RELN: variants seen among roughly 807,000 people sequenced by gnomAD.
RELN encodes the protein reelin.
Under a neutral mutation model 427.6 loss-of-function variants are expected in RELN, and 108 were observed. The observed-to-expected ratio is 0.25, with a 90% CI of 0.22 to 0.30. The LOEUF (loss-of-function observed/expected upper bound fraction) is 0.30. RELN is among the 10% of genes least tolerant of loss of function. The pLI is 1.00. For synonymous variants in RELN, 1,524 were observed against 1,513.4 expected (o/e 1.01, Z -0.16); for missense variants, 3,715 against 4,302.8 (o/e 0.86, Z 3.82).
chr7:103,746,202 C>G (rs200245443), intron 6 of RELN, among the ~76,000 whole-genome samples: 32,434 of 151,790 alleles, frequency 0.21, 4,475 homozygotes, highest in African/African-American at 0.4. Flanking sequence ...GCTGGGAAAA[C>G]TGGCTAGCCA....
chr7:103,689,550 C>T (rs1481029176), intron 10 of RELN, among the ~76,000 whole-genome samples: 5 of 152,044 alleles, frequency 3.3e-5, no homozygotes, highest in East Asian at 3.9e-4. Context: ...ATGATTCACG[C>T]TTTCAAAATA....
chr7:103,835,608 T>C (rs2116414837), intron 2 of RELN, among the ~76,000 whole-genome samples: 1 of 152,346 alleles, frequency 6.6e-6, no homozygotes, highest in East Asian at 1.9e-4. Context: ...CTAAAGCTTC[T>C]CTAAAAAATA....
chr7:103,771,271 A>G (rs1359562023), intron 4 of RELN, among the ~76,000 whole-genome samples: 4 of 151,594 alleles, frequency 2.6e-5, no homozygotes, highest in Non-Finnish European at 5.9e-5. Flanking sequence ...TCTATCCACC[A>G]TCCTCTCTGT....
chr7:103,550,366 T>G (rs909411465), intron 41 of RELN, among the ~76,000 whole-genome samples: 2 of 152,188 alleles, frequency 1.3e-5, no homozygotes, highest in Non-Finnish European at 2.9e-5. Flanking sequence ...TTTGACATAC[T>G]CTGAAAGAAA....
chr7:103,918,121 G>T (rs146174538), intron 1 of RELN, among the ~76,000 whole-genome samples: 3,538 of 152,076 alleles, frequency 0.023, 69 homozygotes, highest in Non-Finnish European at 0.032. Flanking sequence ...CAGAAAATCC[G>T]GTGAACAGAG....
intron 6 of RELN, among the ~76,000 whole-genome samples, chr7:103,748,327 A>G (rs1430104661): frequency 6.6e-6 from 1 of 152,088 alleles, no homozygotes; most frequent in Admixed American, 6.5e-5. Flanking sequence ...ATCTAGATGT[A>G]TATTTCTTTC....
chr7:103,912,349 T>C (rs2116657630), intron 2 of RELN, among the ~76,000 whole-genome samples: 1 of 152,182 alleles, frequency 6.6e-6, no homozygotes, highest in African/African-American at 2.4e-5. Flanking sequence ...CATGCCTGGC[T>C]AATTTTTTGT....
intron 6 of RELN, among the ~76,000 whole-genome samples, 168 bp downstream of exon 6, chr7:103,749,258 A>G (rs1464746317): frequency 6.6e-6 from 1 of 152,198 alleles, no homozygotes; most frequent in Non-Finnish European, 1.5e-5. Context: ...GTCAAGTAAT[A>G]GACATTATAT....
At chr7:103,741,866 G>A (rs531157858) in intron 6 of RELN, among the ~76,000 whole-genome samples, 7 of 152,312 alleles carry the variant, frequency 4.6e-5, no homozygotes, top group Non-Finnish European at 1.0e-4. Context: ...CAGCGTGAGC[G>A]ACGCAGAAGA....
At chr7:103,961,438 A>G (rs1028601679) in intron 1 of RELN, among the ~76,000 whole-genome samples, 1 of 149,372 alleles carries the variant, frequency 6.7e-6, no homozygotes, top group Admixed American at 6.6e-5. Context: ...AGCAACTAAT[A>G]AACAAGAAAA....
intron 3 of RELN, among the ~76,000 whole-genome samples, chr7:103,793,011 C>A (rs1253451583): frequency 1.3e-5 from 2 of 152,042 alleles, no homozygotes; most frequent in Admixed American, 1.3e-4. Flanking sequence ...ATACTGTGGT[C>A]CTTCAATGCT....
intron 53 of RELN, 63 bp downstream of exon 53, chr7:103,500,682 A>C: frequency 6.5e-7 from 1 of 1,530,866 alleles, no homozygotes; most frequent in Non-Finnish European, 9.0e-7. Context: ...CTCATACATA[A>C]GTTGGTTCCT....
chr7:103,575,760 T>C (rs1830984795), intron 28 of RELN, 55 bp from the exon 29 acceptor site: 3 of 1,598,284 alleles, frequency 1.9e-6, no homozygotes, highest in Non-Finnish European at 1.7e-6. Flanking sequence ...TATCAAAGCA[T>C]TGGAATATAG....
At chr7:103,974,602 C>A (rs986263844) in intron 1 of RELN, among the ~76,000 whole-genome samples, 2 of 152,196 alleles carry the variant, frequency 1.3e-5, no homozygotes, top group Non-Finnish European at 2.9e-5. Flanking sequence ...GATATCAATA[C>A]ATGTAATTTA....
chr7:103,834,651 A>ACCT lies in RELN; in HGVS notation c.338-982_338-980dup, dbSNP rs201749099. Among the ~76,000 whole-genome samples the ACCT allele has an allele frequency of 1.1e-4, 16 of 152,298 alleles. 1 individual carries two copies. The East Asian group carries it at 3.1e-3, about 29-fold the overall frequency. On this transcript the variant is annotated intron_variant, in intron 2 of 64. Coordinates refer to ENST00000428762, the MANE Select transcript of RELN (RefSeq NM_005045.4). ...AAATGGCCAAAAGACCTAAACAGAT[A>ACCT]CCTCACCAAAAATGATACACGGATG...
chr7:103,651,836 A>C, intron 14 of RELN, 47 bp from the exon 15 acceptor site: 1 of 1,596,206 alleles, frequency 6.3e-7, no homozygotes. Flanking sequence ...GAGGGTAAAG[A>C]TAACAAATCA....
intron 1 of RELN, among the ~76,000 whole-genome samples, chr7:103,925,343 T>G (rs12154742): frequency 0.1 from 15,247 of 152,184 alleles, 1,457 homozygotes; most frequent in East Asian, 0.26. Flanking sequence ...TATAATTTAA[T>G]TCTGAATTTT....
intron 2 of RELN, among the ~76,000 whole-genome samples, chr7:103,907,414 GGAAAAAAAAAAAA>G (rs1166621595): frequency 2.8e-4 from 11 of 39,714 alleles, no homozygotes; most frequent in African/African-American, 8.9e-4. Flanking sequence ...TCAAGGCTCT[GGAAAAAAAAAAAA>G]AAAAAAAAAA....
chr7:103,927,771 A>T (rs181252563), intron 1 of RELN, among the ~76,000 whole-genome samples: 1 of 152,190 alleles, frequency 6.6e-6, no homozygotes, highest in South Asian at 2.1e-4. Flanking sequence ...GCTATAAGAC[A>T]ATTTTTCCAA....
Sources: allele counts gnomAD v4.1 joint callset (sites outside exome capture counted in the v4.1 genomes callset), GRCh38; gene constraint gnomAD v4.1.1; transcripts MANE v1.5; gene names NCBI Gene and HGNC (gene_info 2026-07-23, HGNC 2026-07-21).